The following TMEM266 variants were observed in gnomAD, a reference collection of about 807,000 sequenced individuals.
TMEM266 encodes the protein Hv1 related protein 1.
A neutral mutation model predicts 50.5 loss-of-function variants in TMEM266; 33 were observed. That is an observed-to-expected ratio of 0.65 (90% confidence interval 0.50 to 0.87). The LOEUF is 0.87. TMEM266 is among the 40% of genes least tolerant of loss of function. The pLI is 0.00. For missense variants in TMEM266, 655 were observed against 695.1 expected (o/e 0.94, Z 0.65); for synonymous variants, 310 against 292.3 (o/e 1.06, Z -0.62).
intron 8 of TMEM266, chr15:76,181,198 C>T (rs2038398797): frequency 6.6e-6 from 1 of 152,252 alleles, no homozygotes; most frequent in Non-Finnish European, 1.5e-5. Flanking sequence ...CGTGGCACAG[C>T]AGTTATGAGG....
At chr15:76,184,559 A>C (rs2038466936) in intron 8 of TMEM266, among the ~76,000 whole-genome samples, 1 of 152,274 alleles carries the variant, frequency 6.6e-6, no homozygotes, top group East Asian at 1.9e-4. Flanking sequence ...AAGGCAGGGC[A>C]GCCTGTGCAG....
chr15:76,063,420 T>A (rs2036344593), intron 1 of TMEM266, among the ~76,000 whole-genome samples: 1 of 152,168 alleles, frequency 6.6e-6, no homozygotes, highest in South Asian at 2.1e-4. Flanking sequence ...CCTATTCTGC[T>A]CCATCCACAC....
At chr15:76,202,141 G>T in intron 9 of TMEM266, 61 bp from the exon 10 acceptor site, 2 of 1,427,926 alleles carry the variant, frequency 1.4e-6, no homozygotes, top group Middle Eastern at 1.8e-4. Context: ...GTGGGGACAG[G>T]AGTATAAGGG....
chr15:76,191,974 A>T lies in TMEM266; in HGVS notation c.775A>T (p.Ile259Phe). The T allele has an allele frequency of 1.9e-6, 3 of 1,582,440 alleles. No individual in the cohort carries two copies. Among genetic ancestry groups the T allele is most frequent in the Non-Finnish European group, 2.6e-6 (3 of 1,169,396 alleles). ...TGCCCGTCTCCCTCCGCAGTTTGAG[A>T]TCCGGCAGCTGCGCGCGCACCTGGC... The change falls in exon 9 of 11, where the codon ATC (isoleucine) becomes TTC (phenylalanine). Residue 259 changes from isoleucine to phenylalanine, a missense_variant. Physicochemically the swap from Ile to Phe is conservative, Grantham distance 21 (BLOSUM62 0). Coordinates refer to ENST00000388942, the MANE Select transcript of TMEM266 (RefSeq NM_152335.3).
chr15:76,069,115 GAT>G (rs1406268646), intron 1 of TMEM266, among the ~76,000 whole-genome samples: 3 of 152,124 alleles, frequency 2.0e-5, no homozygotes, highest in Non-Finnish European at 2.9e-5. Context: ...GCAGAAAAAA[GAT>G]AGTTTAAGTT....
chr15:76,135,675 G>A (rs373936279), intron 2 of TMEM266, among the ~76,000 whole-genome samples: 11 of 152,232 alleles, frequency 7.2e-5, no homozygotes, highest in African/African-American at 2.4e-4. Flanking sequence ...ATTCTGTTTC[G>A]TTTAAAGATC....
chr15:76,175,422 C>A, intron 7 of TMEM266, 137 bp from the exon 8 acceptor site: 1 of 647,758 alleles, frequency 1.5e-6, no homozygotes, highest in African/African-American at 1.8e-5. Context: ...TCTCGGGTAC[C>A]TGGACATTTC....
intron 1 of TMEM266, among the ~76,000 whole-genome samples, chr15:76,066,746 A>C (rs974673223): frequency 6.6e-6 from 1 of 152,092 alleles, no homozygotes; most frequent in African/African-American, 2.4e-5. Flanking sequence ...TGGGGTCATG[A>C]AGAGTGCCAG....
rs138682771 is a variant in TMEM266, at chr15:76,171,147, G to T, written c.652+16G>T. The T allele has an allele frequency of 2.5e-5, 41 of 1,612,744 alleles. No homozygotes were observed. Among genetic ancestry groups the T allele is most frequent in the African/African-American group, 2.0e-4 (15 of 75,032 alleles). On this transcript the variant is annotated intron_variant, in intron 7 of 10. Transcript: ENST00000388942. Reference sequence around the variant, plus strand: ...GTCATTGATGGTGAGTGGCCCGAGGGGGGTGTGGTCAGTGGGGCTGCTCCA... The same window carrying T: ...GTCATTGATGGTGAGTGGCCCGAGGTGGGTGTGGTCAGTGGGGCTGCTCCA...
chr15:76,141,014 G>A (rs1344112352), intron 3 of TMEM266, among the ~76,000 whole-genome samples: 1 of 152,130 alleles, frequency 6.6e-6, no homozygotes, highest in African/African-American at 2.4e-5. Flanking sequence ...TCTAGCCTGG[G>A]CAACAGAGTG....
At chr15:76,196,816 G>C (rs1327808209) in intron 9 of TMEM266, among the ~76,000 whole-genome samples, 5 of 152,360 alleles carry the variant, frequency 3.3e-5, no homozygotes, top group African/African-American at 1.2e-4. Flanking sequence ...ACGCCAAGCA[G>C]CTTCTGTTTA....
In TMEM266 at chr15:76,159,371, G is replaced by A. The variant is rs527701479; in HGVS notation, c.383-724G>A. Among the ~76,000 whole-genome samples, 3 of 152,350 alleles carry A rather than the reference G, an allele frequency of 2.0e-5. No individual in the cohort carries two copies. The South Asian group carries it at 6.2e-4, about 32-fold the overall frequency. ...AAAGAAAATGCCTTAACTCTAAGGA[G>A]TGGCTGGTGAAAGGTGGGGCGGGAA... On this transcript the variant is annotated intron_variant, in intron 4 of 10. Coordinates refer to ENST00000388942, the MANE Select transcript of TMEM266 (RefSeq NM_152335.3).
intron 1 of TMEM266, among the ~76,000 whole-genome samples, chr15:76,080,719 C>T (rs2036678655): frequency 6.6e-6 from 1 of 151,998 alleles, no homozygotes; most frequent in Non-Finnish European, 1.5e-5. Flanking sequence ...GCCCTCACAG[C>T]TTTGTAACTC....
At chr15:76,169,999 T>G (rs2142059529) in intron 6 of TMEM266, 127 bp downstream of exon 6, 423 of 790,808 alleles carry the variant, frequency 5.3e-4, no homozygotes, top group East Asian at 9.9e-4. Flanking sequence ...TTGACCTCTG[T>G]GGCTGTGCAT....
chr15:76,143,594 C>T (rs2037713804), intron 3 of TMEM266, among the ~76,000 whole-genome samples: 1 of 152,194 alleles, frequency 6.6e-6, no homozygotes, highest in South Asian at 2.1e-4. Context: ...GGGCTCAAGC[C>T]ATTCTCCCGC....
chr15:76,170,299 CGCT>C (rs747306954), intron 6 of TMEM266, among the ~76,000 whole-genome samples: 13 of 152,200 alleles, frequency 8.5e-5, no homozygotes, highest in Non-Finnish European at 1.5e-4. Context: ...GCCTGGCTGT[CGCT>C]GGCAGTGTTG....
At chr15:76,176,897 C>G (rs948800027) in intron 8 of TMEM266, among the ~76,000 whole-genome samples, 1 of 152,228 alleles carries the variant, frequency 6.6e-6, no homozygotes, top group Non-Finnish European at 1.5e-5. Context: ...TCGACCTCCT[C>G]TCTCATGTGT....
At chr15:76,086,488 C>T (rs1310021022) in intron 1 of TMEM266, among the ~76,000 whole-genome samples, 2 of 152,046 alleles carry the variant, frequency 1.3e-5, no homozygotes, top group Non-Finnish European at 2.9e-5. Flanking sequence ...GGACAAAATG[C>T]ACAAACAAAG....
At chr15:76,158,310 A>C (rs560934385) in intron 4 of TMEM266, among the ~76,000 whole-genome samples, 1 of 152,202 alleles carries the variant, frequency 6.6e-6, no homozygotes, top group Non-Finnish European at 1.5e-5. Context: ...CTTGGTTCCA[A>C]TTAAAGGATC....
Sources: allele counts gnomAD v4.1 joint callset (sites outside exome capture counted in the v4.1 genomes callset), GRCh38; gene constraint gnomAD v4.1.1; transcripts MANE v1.5; gene names NCBI Gene and HGNC (gene_info 2026-07-23, HGNC 2026-07-21).